The following CNBD1 variants were observed in gnomAD, a reference collection of about 807,000 sequenced individuals.
The protein encoded by CNBD1 is cyclic nucleotide-binding domain-containing protein 1.
In CNBD1, 71 loss-of-function variants were observed where a neutral mutation model predicts 54.4. The observed-to-expected ratio is 1.30, with a 90% CI of 1.08 to 1.59. The LOEUF (loss-of-function observed/expected upper bound fraction) is 1.59, where lower values mean the gene tolerates loss of function less well. Ranked by LOEUF, CNBD1 falls within the 40% of genes most tolerant of loss-of-function variation. The pLI is 0.00. For missense variants in CNBD1, 659 were observed against 518.0 expected, an observed-to-expected ratio of 1.27 and a Z score of -2.64; for synonymous variants, 182 against 170.7, an observed-to-expected ratio of 1.07 and a Z score of -0.51.
At chr8:86,956,149 G>A (rs935739748) in intron 4 of CNBD1, among the ~76,000 whole-genome samples, 47 of 152,058 alleles carry the variant, frequency 3.1e-4, no homozygotes, top group African/African-American at 8.9e-4. Flanking sequence ...GTAGATATGC[G>A]GAGTTATTTC....
intron 5 of CNBD1, among the ~76,000 whole-genome samples, chr8:87,211,421 G>T (rs1411263532): frequency 1.3e-5 from 2 of 151,998 alleles, no homozygotes; most frequent in East Asian, 3.9e-4. Flanking sequence ...AGATTTGGGG[G>T]CCAGGGGCAG....
intron 4 of CNBD1, among the ~76,000 whole-genome samples, chr8:87,179,546 GA>G (rs998784043): frequency 6.6e-6 from 1 of 152,124 alleles, no homozygotes; most frequent in African/African-American, 2.4e-5. Context: ...TGTTGAAGCA[GA>G]AATAACTTGA....
intron 4 of CNBD1, among the ~76,000 whole-genome samples, chr8:87,190,004 AT>A (rs1281692900): frequency 1.3e-5 from 2 of 152,316 alleles, no homozygotes; most frequent in Non-Finnish European, 2.9e-5. Flanking sequence ...AGAAAGTCAC[AT>A]TTTTAACAGT....
intron 4 of CNBD1, among the ~76,000 whole-genome samples, chr8:87,086,115 G>C (rs186148596): frequency 2.6e-5 from 4 of 152,148 alleles, no homozygotes; most frequent in Non-Finnish European, 5.9e-5. Flanking sequence ...CTGGAGAAGA[G>C]TTTGTGAATG....
intron 4 of CNBD1, among the ~76,000 whole-genome samples, chr8:87,072,009 A>G (rs1810768706): frequency 6.6e-6 from 1 of 152,112 alleles, no homozygotes; most frequent in African/African-American, 2.4e-5. Flanking sequence ...TTGGGGGCAT[A>G]TATATTTAGG....
intron 3 of CNBD1, among the ~76,000 whole-genome samples, chr8:86,922,704 T>C (rs1236799504): frequency 6.6e-6 from 1 of 152,134 alleles, no homozygotes. Context: ...AATGGTAGAT[T>C]ATGCTAAAAG....
intron 9 of CNBD1, 126 bp downstream of exon 9, chr8:87,351,920 G>T (rs28629293): frequency 0.33 from 331,775 of 1,016,272 alleles, 56,118 homozygotes; most frequent in Middle Eastern, 0.39. Flanking sequence ...TCAATTTTTT[G>T]AAATTTTTGT....
chr8:86,870,189 CT>C lies in CNBD1; in HGVS notation c.88+3621del, dbSNP rs71275890. Among the ~76,000 whole-genome samples the C allele has an allele frequency of 7.7e-4, 77 of 100,580 alleles. 5 individuals are homozygous for C. Among genetic ancestry groups the C allele is most frequent in the Middle Eastern group, 5.3e-3 (1 of 188 alleles). 66.0% of individuals were successfully genotyped at this position (100,580 alleles called of 152,430 possible). On this transcript the variant is annotated intron_variant, in intron 1 of 10. Coordinates refer to ENST00000518476, the MANE Select transcript of CNBD1 (RefSeq NM_173538.3). ...AGAAATTTAGAAACAAGATAGTACTCTTTTTTTTTTTTTTTCTGAGACGGAA... is the reference window on the plus strand; with the variant it reads ...AGAAATTTAGAAACAAGATAGTACTCTTTTTTTTTTTTTTCTGAGACGGAA...
chr8:87,114,859 T>C (rs1001225293), intron 4 of CNBD1, among the ~76,000 whole-genome samples: 49 of 152,176 alleles, frequency 3.2e-4, no homozygotes, highest in Non-Finnish European at 6.6e-4. Context: ...ACACACATGT[T>C]CACGTTCATC....
intron 4 of CNBD1, among the ~76,000 whole-genome samples, chr8:87,132,257 A>G (rs2130727709): frequency 6.6e-6 from 1 of 151,996 alleles, no homozygotes; most frequent in Non-Finnish European, 1.5e-5. Flanking sequence ...CTTTTAAAAT[A>G]GCCATAACAA....
downstream of CNBD1, among the ~76,000 whole-genome samples, chr8:87,387,224 C>T (rs188381855): frequency 1.3e-5 from 2 of 152,152 alleles, no homozygotes; most frequent in Admixed American, 1.3e-4. Context: ...CAGCTAACAT[C>T]GTAATGACAG....
At chr8:87,382,572 A>G (rs1016307687) in intron 10 of CNBD1, 48 bp from the exon 11 acceptor site, 2 of 1,480,168 alleles carry the variant, frequency 1.4e-6, no homozygotes, top group South Asian at 1.2e-5. Context: ...ATTACCAAAA[A>G]TGAGTATTTA....
chr8:86,995,277 C>A (rs1037800416), intron 4 of CNBD1, among the ~76,000 whole-genome samples: 7 of 152,138 alleles, frequency 4.6e-5, no homozygotes, highest in African/African-American at 1.4e-4. Flanking sequence ...AAACCATGAA[C>A]CAGGGGCAGG....
chr8:87,284,813 G>T lies in CNBD1; in HGVS notation c.907G>T (p.Glu303Ter), dbSNP rs1046751679. 1.3e-6 allele frequency: 2 copies of T among 1,565,956 alleles called. No homozygotes were observed. The highest frequency in any genetic ancestry group is 1.7e-6 in the Non-Finnish European group (2 of 1,156,150). ...IPAKGYAKIK[E>*]EKIKLENMQK... Reference sequence around the variant, plus strand: ...AGCAAAGGGATATGCAAAGATAAAGGAGGTAAGATGATATCTAATATTTTA... The same window carrying T: ...AGCAAAGGGATATGCAAAGATAAAGTAGGTAAGATGATATCTAATATTTTA... The change falls in exon 7 of 11, where the codon GAG becomes TAG. Residue 303 changes from glutamate (E) to a stop codon, truncating the protein, a stop_gained and splice_region_variant. Transcript: ENST00000518476. LOFTEE classifies it high-confidence loss of function.
intron 4 of CNBD1, among the ~76,000 whole-genome samples, chr8:87,036,854 T>C (rs533760361): frequency 1.3e-5 from 2 of 152,302 alleles, no homozygotes; most frequent in South Asian, 4.1e-4. Flanking sequence ...TGCTTTATTC[T>C]ACACTAGATG....
At chr8:87,250,117 A>G (rs1807883942) in intron 6 of CNBD1, among the ~76,000 whole-genome samples, 1 of 152,216 alleles carries the variant, frequency 6.6e-6, no homozygotes, top group Non-Finnish European at 1.5e-5. Flanking sequence ...GAGCTCAAAC[A>G]ACTCAATAGC....
chr8:87,362,598 C>A (rs1233828937), intron 10 of CNBD1, among the ~76,000 whole-genome samples: 2 of 151,942 alleles, frequency 1.3e-5, no homozygotes, highest in Non-Finnish European at 2.9e-5. Flanking sequence ...TACATTCTAC[C>A]AAAGATGGCC....
intron 8 of CNBD1, among the ~76,000 whole-genome samples, chr8:87,288,067 C>T (rs949335874): frequency 1.3e-5 from 2 of 151,856 alleles, no homozygotes; most frequent in African/African-American, 2.4e-5. Context: ...TTTCTAAATT[C>T]CCCATGTTTA....
intron 8 of CNBD1, among the ~76,000 whole-genome samples, chr8:87,336,982 G>A (rs1385178544): frequency 3.9e-5 from 6 of 152,022 alleles, no homozygotes; most frequent in Non-Finnish European, 8.8e-5. Context: ...GTTTGCTGGG[G>A]GTTCACTTCA....
Sources: gnomAD v4.1 joint callset for allele counts (sites outside exome capture counted in the v4.1 genomes callset) on GRCh38, gnomAD v4.1.1 for gene constraint, MANE v1.5 for transcripts, NCBI Gene and HGNC (gene_info 2026-07-23, HGNC 2026-07-21) for gene names.